KIAA1549: variants seen among roughly 807,000 people sequenced by gnomAD.
The protein encoded by KIAA1549 is UPF0606 protein KIAA1549.
In KIAA1549, 70 loss-of-function variants were observed where a neutral mutation model predicts 156.4. The ratio of observed to expected loss-of-function variants is 0.45; its 90% confidence interval spans 0.37 to 0.55. The LOEUF (loss-of-function observed/expected upper bound fraction) is 0.55, where lower values mean the gene tolerates loss of function less well. KIAA1549 is among the 20% of genes least tolerant of loss of function. The probability of loss-of-function intolerance (pLI) is 0.00; values close to 1 mark genes in which losing one functional copy is unlikely to be tolerated. For synonymous variants in KIAA1549, 1,103 were observed against 1,066.4 expected (o/e 1.03, Z -0.67); for missense variants, 2,428 against 2,540.9 (o/e 0.96, Z 0.96).
At chr7:138,934,621 C>G (rs1172504826) in intron 1 of KIAA1549, among the ~76,000 whole-genome samples, 2 of 152,274 alleles carry the variant, frequency 1.3e-5, no homozygotes, top group East Asian at 3.9e-4. Flanking sequence ...TCCCCGCCCA[C>G]CTGGAGGAGC....
At chr7:138,907,606 C>G (rs1812043880) in intron 5 of KIAA1549, among the ~76,000 whole-genome samples, 1 of 152,192 alleles carries the variant, frequency 6.6e-6, no homozygotes, top group African/African-American at 2.4e-5. Flanking sequence ...GCAGGCTACA[C>G]AGTGGTAATC....
intron 18 of KIAA1549, 114 bp downstream of exon 18, chr7:138,844,193 AAACAGCCCTG>A: frequency 9.0e-7 from 1 of 1,107,558 alleles, no homozygotes; most frequent in Admixed American, 2.0e-5. Flanking sequence ...ATATGAGGGG[AAACAGCCCTG>A]AAACAGCAGT....
intron 6 of KIAA1549, among the ~76,000 whole-genome samples, chr7:138,906,349 A>G (rs1022174523): frequency 6.6e-6 from 1 of 152,194 alleles, no homozygotes; most frequent in Non-Finnish European, 1.5e-5. Flanking sequence ...GGTTCAACCA[A>G]TGATGCAGGA....
At chr7:138,840,794 C>A (rs1421587949) in intron 18 of KIAA1549, among the ~76,000 whole-genome samples, 3 of 152,184 alleles carry the variant, frequency 2.0e-5, no homozygotes, top group Non-Finnish European at 2.9e-5. Context: ...GAGGGTGACC[C>A]CTCCTCCCTG....
chr7:138,967,337 C>T (rs1451282521), intron 1 of KIAA1549, among the ~76,000 whole-genome samples: 2 of 152,094 alleles, frequency 1.3e-5, no homozygotes, highest in African/African-American at 4.8e-5. Flanking sequence ...TTTTTCACAT[C>T]GGGGTTAGGG....
chr7:138,977,281 C>T (rs1814407590), intron 1 of KIAA1549, among the ~76,000 whole-genome samples: 1 of 152,052 alleles, frequency 6.6e-6, no homozygotes, highest in Admixed American at 6.5e-5. Context: ...TATGCCACAA[C>T]AGGTAAATAA....
At chr7:138,957,567 T>C (rs1257191811) in intron 1 of KIAA1549, among the ~76,000 whole-genome samples, 1 of 151,758 alleles carries the variant, frequency 6.6e-6, no homozygotes, top group Non-Finnish European at 1.5e-5. Flanking sequence ...AACCTCTGCC[T>C]CCCAGGTTCA....
At chr7:138,860,300 G>A (rs1431798985) in intron 16 of KIAA1549, among the ~76,000 whole-genome samples, 3 of 152,176 alleles carry the variant, frequency 2.0e-5, no homozygotes, top group African/African-American at 7.2e-5. Context: ...TGCCCTGAAG[G>A]AGACAATCTC....
At chr7:138,962,348 C>G (rs545243960) in intron 1 of KIAA1549, among the ~76,000 whole-genome samples, 1 of 152,172 alleles carries the variant, frequency 6.6e-6, no homozygotes, top group African/African-American at 2.4e-5. Flanking sequence ...TCTCCAAAGA[C>G]GACCACCATC....
At position 138,918,637 on chromosome 7, in the gene KIAA1549, C is replaced by A; in HGVS notation, c.989G>T (p.Ser330Ile). ...AGAGATGGTTTCTTCTAGGCTTTGA[C>A]TCAACACAGTGGTCACATCAGTGTA... ...DRYTDVTTVL[S>I]QSLEETISPR... The change falls in exon 2 of 20, where the codon AGT becomes ATT. Residue 330 changes from serine to isoleucine, a missense_variant. Coordinates refer to ENST00000422774, the MANE Select transcript of KIAA1549 (RefSeq NM_001164665.2). The surrounding 1 kb of genome is among the most constrained non-coding windows in gnomAD (Gnocchi z 4.2). 6.2e-7 allele frequency: 1 copy of A among 1,613,848 alleles called. No homozygotes were observed. Among genetic ancestry groups the A allele is most frequent in the Non-Finnish European group, 8.5e-7 (1 of 1,179,888 alleles).
At chr7:138,933,304 A>G (rs776521699) in intron 1 of KIAA1549, among the ~76,000 whole-genome samples, 1 of 152,242 alleles carries the variant, frequency 6.6e-6, no homozygotes, top group Non-Finnish European at 1.5e-5. Context: ...CAAAGCAGCT[A>G]ATGCAAAATG....
Position 138,967,232 on chromosome 7 carries a change from G to A in KIAA1549, c.187+13851C>T, listed in dbSNP as rs74932816. On this transcript the variant is annotated intron_variant, in intron 1 of 19. Coordinates refer to ENST00000422774, the MANE Select transcript of KIAA1549 (RefSeq NM_001164665.2). ...TGGGGACTACAGTCCAGTGGAGGAAGGCAGAATGCACAGACAAATATGTAG... is the reference window on the plus strand; with the variant it reads ...TGGGGACTACAGTCCAGTGGAGGAAAGCAGAATGCACAGACAAATATGTAG... Among the ~76,000 whole-genome samples the A allele has an allele frequency of 6.8e-3, 1,030 of 152,276 alleles. 11 individuals carry two copies. Among genetic ancestry groups the A allele is most frequent in the African/African-American group, 0.024 (984 of 41,548 alleles).
chr7:138,891,401 A>G (rs1012577216), intron 10 of KIAA1549, among the ~76,000 whole-genome samples: 8 of 152,282 alleles, frequency 5.3e-5, no homozygotes, highest in African/African-American at 1.9e-4. Context: ...AGCCAATGCC[A>G]TTCATGATGA....
chr7:138,857,314 T>A (rs1466215797), intron 16 of KIAA1549, among the ~76,000 whole-genome samples: 9 of 152,206 alleles, frequency 5.9e-5, no homozygotes, highest in Admixed American at 5.9e-4. Flanking sequence ...AGACCCTACA[T>A]ATGAATGGAT....
chr7:138,953,769 C>T (rs1480198960), intron 1 of KIAA1549, among the ~76,000 whole-genome samples: 2 of 152,210 alleles, frequency 1.3e-5, no homozygotes, highest in African/African-American at 2.4e-5. Context: ...ATCTTCCATA[C>T]AATACAAATA....
At position 138,837,462 on chromosome 7, in the gene KIAA1549, GT is replaced by G; in HGVS notation, c.*443del. 3.9e-6 allele frequency: 1 copy of G among 256,946 alleles called. No homozygotes were observed. Among genetic ancestry groups the G allele is most frequent in the Non-Finnish European group, 7.4e-6 (1 of 134,546 alleles). The allele number at this position is 256,946 out of a possible 1,614,324, so 15.9% of individuals were successfully genotyped here. On this transcript the variant is annotated 3_prime_UTR_variant, in exon 20 of 20. Transcript: ENST00000422774. ...TGGAGTAAAAGAGAAAAATTAAGCT[GT>G]TAATAAAATGTCTTCAAACCTCTTC...
chr7:138,919,189 G>A lies in KIAA1549; in HGVS notation c.437C>T (p.Thr146Met), dbSNP rs751651511. ...SIFVATYVSV[T>M]SKEVAVNDDE... ...GTCATTGACGGCCACCTCTTTACTC[G>A]TCACTGACACGTAAGTTGCCACAAA... Residue 146 changes from threonine (T) to methionine (M), a missense_variant, in exon 2 of 20, where the codon ACG (threonine) becomes ATG (methionine). Thr to Met is a moderately conservative substitution (Grantham distance 81). This residue lies in a region of KIAA1549 where 893 missense variants were observed against 847.9 expected (regional missense o/e 1.05). Transcript: ENST00000422774. 1.5e-5 allele frequency: 25 copies of A among 1,613,924 alleles called. No individual in the cohort carries two copies. The highest frequency in any genetic ancestry group is 1.6e-4 in the Middle Eastern group (1 of 6,062).
At position 138,833,595 on chromosome 7, in the gene KIAA1549, AAATT is replaced by A. The variant is rs1205654579; in HGVS notation, c.*4307_*4310del. On this transcript the variant is annotated 3_prime_UTR_variant, in exon 20 of 20. Transcript: ENST00000422774. ...CTGCCACCCAAATCAAAACACTATG[AAATT>A]AATAAAATTTGGAGAAAAATGTGTA... The A allele has an allele frequency of 8.6e-6, 2 of 232,436 alleles. No individual in the cohort carries two copies. Among genetic ancestry groups the A allele is most frequent in the Non-Finnish European group, 1.7e-5 (2 of 117,604 alleles). The allele number at this position is 232,436 out of a possible 1,614,324, so 14.4% of individuals were successfully genotyped here. A position where few individuals can be genotyped will look rare whatever the true frequency, so the allele number is the denominator to read the frequency against.
intron 1 of KIAA1549, among the ~76,000 whole-genome samples, chr7:138,937,363 T>C (rs550395140): frequency 6.6e-6 from 1 of 152,318 alleles, no homozygotes; most frequent in South Asian, 2.1e-4. Flanking sequence ...GTCTTATCAG[T>C]GTGCCTCCCA....
Sources: allele counts gnomAD v4.1 joint callset (sites outside exome capture counted in the v4.1 genomes callset), GRCh38; gene constraint gnomAD v4.1.1; regional missense constraint gnomAD v4.1.1; non-coding constraint Gnocchi (gnomAD v3.1); transcripts MANE v1.5; gene names NCBI Gene and HGNC (gene_info 2026-07-23, HGNC 2026-07-21).